FHIT: variants seen among roughly 807,000 people sequenced by gnomAD.
FHIT encodes the protein bis(5'-adenosyl)-triphosphatase.
Under a neutral mutation model 17.9 loss-of-function variants are expected in FHIT, and 19 were observed. That is an observed-to-expected ratio of 1.06 (90% confidence interval 0.74 to 1.56). The LOEUF (loss-of-function observed/expected upper bound fraction) is 1.56, where lower values mean the gene tolerates loss of function less well. Among genes scored for constraint, FHIT ranks in the 40% most tolerant of loss-of-function variants. FHIT has a pLI of 0.00. For synonymous variants in FHIT, 81 were observed against 69.7 expected (o/e 1.16, Z -0.81); for missense variants, 248 against 189.2 (o/e 1.31, Z -1.82).
chr3:59,811,951 T>C (rs762265561), intron 8 of FHIT, among the ~76,000 whole-genome samples: 1 of 152,158 alleles, frequency 6.6e-6, no homozygotes, highest in South Asian at 2.1e-4. Context: ...TTGTGCCCCC[T>C]TGGCAGCTCA....
chr3:61,180,733 T>C (rs537269702), intron 2 of FHIT, among the ~76,000 whole-genome samples: 3 of 152,352 alleles, frequency 2.0e-5, no homozygotes, highest in South Asian at 2.1e-4. Context: ...TTGCCCTGCT[T>C]TTATTTAAAG....
At chr3:59,976,414 C>A (rs188823240) in intron 7 of FHIT, among the ~76,000 whole-genome samples, 2 of 152,066 alleles carry the variant, frequency 1.3e-5, no homozygotes, top group Non-Finnish European at 2.9e-5. Flanking sequence ...AACAAACAAA[C>A]AAACAAATAA....
At chr3:60,512,041 G>A (rs1279326767) in intron 5 of FHIT, among the ~76,000 whole-genome samples, 2 of 152,050 alleles carry the variant, frequency 1.3e-5, no homozygotes. Flanking sequence ...GTAAATATAT[G>A]TTGAAAGAAC....
At chr3:60,968,431 T>C (rs1454433300) in intron 3 of FHIT, among the ~76,000 whole-genome samples, 5 of 151,930 alleles carry the variant, frequency 3.3e-5, no homozygotes, top group African/African-American at 1.2e-4. Flanking sequence ...TTTTTTTTTT[T>C]TTTCGAGATG....
intron 2 of FHIT, among the ~76,000 whole-genome samples, chr3:61,085,468 G>T (rs1044453759): frequency 7.2e-5 from 11 of 151,862 alleles, no homozygotes; most frequent in African/African-American, 2.7e-4. Context: ...TATATGCTTT[G>T]GTTTGTTTTC....
chr3:60,098,746 A>G (rs1376657005), intron 5 of FHIT, among the ~76,000 whole-genome samples: 1 of 152,152 alleles, frequency 6.6e-6, no homozygotes, highest in African/African-American at 2.4e-5. Context: ...TCTCTAGCAA[A>G]CTTTATTGTA....
At chr3:60,126,542 T>C (rs767153724) in intron 5 of FHIT, among the ~76,000 whole-genome samples, 8 of 152,214 alleles carry the variant, frequency 5.3e-5, no homozygotes, top group Non-Finnish European at 1.0e-4. Context: ...AGAAGTTGTA[T>C]ACCTGAGGTT....
intron 5 of FHIT, among the ~76,000 whole-genome samples, chr3:60,346,255 C>G (rs891828127): frequency 1.3e-5 from 2 of 152,176 alleles, no homozygotes; most frequent in Non-Finnish European, 2.9e-5. Context: ...ACCAGCTTAG[C>G]CAGCTTTTGC....
rs376178923 is a variant in FHIT at position 60,993,866 on chromosome 3, C to A, written c.-111+48181G>T. 4.6e-5 allele frequency among the ~76,000 whole-genome samples: 7 copies of A among 152,250 alleles called. 1 individual carries two copies. The South Asian group carries it at 1.5e-3, about 32-fold the overall frequency. On this transcript the variant is annotated intron_variant, in intron 3 of 9. Transcript: ENST00000492590. ...AGGAACCTGATCCCTCTATCTTACT[C>A]TCCCTTTGTATGTACGGCTAATGAT...
At chr3:61,245,514 C>A (rs1386259580) in intron 1 of FHIT, among the ~76,000 whole-genome samples, 4 of 152,186 alleles carry the variant, frequency 2.6e-5, no homozygotes, top group Admixed American at 2.6e-4. Flanking sequence ...GTTAGAAATA[C>A]TGACTCTCTG....
chr3:60,745,887 C>T (rs1029043024), intron 4 of FHIT, among the ~76,000 whole-genome samples: 18 of 152,118 alleles, frequency 1.2e-4, no homozygotes, highest in African/African-American at 4.1e-4. Context: ...GGTACCACCA[C>T]GTACTCTGAG....
intron 2 of FHIT, among the ~76,000 whole-genome samples, chr3:61,178,683 C>T (rs990892460): frequency 2.6e-5 from 4 of 151,944 alleles, no homozygotes; most frequent in Non-Finnish European, 4.4e-5. Context: ...TGTCCACTAA[C>T]CTGTACAAGA....
chr3:60,388,456 G>T (rs1342557342), intron 5 of FHIT, among the ~76,000 whole-genome samples: 1 of 152,020 alleles, frequency 6.6e-6, no homozygotes, highest in African/African-American at 2.4e-5. Flanking sequence ...ACAACAATTA[G>T]CAGGGCCTGG....
intron 5 of FHIT, among the ~76,000 whole-genome samples, chr3:60,223,355 A>T (rs9881424): frequency 0.034 from 5,220 of 152,258 alleles, 269 homozygotes; most frequent in African/African-American, 0.11. Context: ...GTCGTGTTCA[A>T]ATTCAGGTCC....
At chr3:60,557,990 G>T (rs1281341990) in intron 4 of FHIT, among the ~76,000 whole-genome samples, 2 of 152,012 alleles carry the variant, frequency 1.3e-5, no homozygotes, top group African/African-American at 4.8e-5. Context: ...GCAACAAATA[G>T]AATTTTTTAA....
intron 5 of FHIT, among the ~76,000 whole-genome samples, chr3:60,520,912 A>C (rs1364893222): frequency 6.6e-6 from 1 of 152,134 alleles, no homozygotes; most frequent in East Asian, 1.9e-4. Flanking sequence ...GAAATAATAA[A>C]GGTGAGTTTG....
At chr3:60,649,050 A>C (rs1368832167) in intron 4 of FHIT, among the ~76,000 whole-genome samples, 1 of 152,244 alleles carries the variant, frequency 6.6e-6, no homozygotes, top group Non-Finnish European at 1.5e-5. Flanking sequence ...TTCCATTTTC[A>C]TAAAATTCTC....
At chr3:60,932,416 C>T (rs1156392305) in intron 3 of FHIT, among the ~76,000 whole-genome samples, 3 of 152,290 alleles carry the variant, frequency 2.0e-5, no homozygotes, top group Middle Eastern at 3.4e-3. Context: ...TCTACAGACT[C>T]ATCTCCCGTG....
chr3:60,381,124 C>T lies in FHIT; in HGVS notation c.103+155736G>A, dbSNP rs192984527. Among the ~76,000 whole-genome samples the T allele has an allele frequency of 1.9e-4, 29 of 152,194 alleles. 1 individual carries two copies. The highest frequency in any genetic ancestry group is 3.9e-4 in the Admixed American group (6 of 15,286). On this transcript the variant is annotated intron_variant, in intron 5 of 9. Transcript: ENST00000492590. ...ATATTACCCATATATTGTATTCCCG[C>T]GATTAGCCCCAAAGATGCCTCCCCA...
Sources: gnomAD v4.1 joint callset for allele counts (sites outside exome capture counted in the v4.1 genomes callset) on GRCh38, gnomAD v4.1.1 for gene constraint, MANE v1.5 for transcripts, NCBI Gene and HGNC (gene_info 2026-07-23, HGNC 2026-07-21) for gene names.